RAB38: variants seen among roughly 807,000 people sequenced by gnomAD.
RAB38 encodes the protein ras-related protein Rab-38.
Under a neutral mutation model 18.4 loss-of-function variants are expected in RAB38, and 15 were observed. The observed-to-expected ratio is 0.82, with a 90% confidence interval of 0.55 to 1.26. The LOEUF is 1.26. Among genes scored for constraint, RAB38 ranks in the 50% most tolerant of loss-of-function variants. The pLI, the probability that RAB38 is intolerant of heterozygous loss-of-function variation, is 0.00. For synonymous variants in RAB38, 101 were observed against 104.4 expected, an observed-to-expected ratio of 0.97 and a Z score of 0.20; for missense variants, 294 against 267.4, an observed-to-expected ratio of 1.10 and a Z score of -0.69.
At chr11:87,886,036 T>C in the RAB38 span, among the ~76,000 whole-genome samples, 2 of 151,936 alleles carry the variant, frequency 1.3e-5, no homozygotes, top group Non-Finnish European at 2.9e-5. Context: ...GCACTCCCAT[T>C]ATCTCAAGTA....
At chr11:87,807,315 C>T in the RAB38 span, among the ~76,000 whole-genome samples, 1 of 152,194 alleles carries the variant, frequency 6.6e-6, no homozygotes, top group African/African-American at 2.4e-5. Flanking sequence ...AAGTTTTCCA[C>T]ATGACACAGA....
At chr11:87,864,360 T>C in the RAB38 span, among the ~76,000 whole-genome samples, 12 of 150,660 alleles carry the variant, frequency 8.0e-5, no homozygotes, top group African/African-American at 2.9e-4. Context: ...ATAATGTTGA[T>C]ACAATTCTCC....
chr11:87,878,813 G>A, the RAB38 span, among the ~76,000 whole-genome samples: 2 of 151,552 alleles, frequency 1.3e-5, no homozygotes, highest in Non-Finnish European at 3.0e-5. Flanking sequence ...TTCATCCTGT[G>A]GAGAGAAAAA....
chr11:88,123,528 T>C (rs1383203367), intron 2 of RAB38, among the ~76,000 whole-genome samples: 1 of 152,234 alleles, frequency 6.6e-6, no homozygotes, highest in Non-Finnish European at 1.5e-5. Flanking sequence ...GATACCATTC[T>C]TTTAGGTGAA....
At chr11:87,910,633 C>CTTTTTTTTTT in the RAB38 span, among the ~76,000 whole-genome samples, 34 of 131,094 alleles carry the variant, frequency 2.6e-4, 2 homozygotes, top group Non-Finnish European at 3.8e-4. Flanking sequence ...AGTTCATTTT[C>CTTTTTTTTTT]TTTTTTTTTT....
At chr11:88,021,563 AATTTATTTATTTATTTATTTATTT>A in the RAB38 span, among the ~76,000 whole-genome samples, 71 of 141,954 alleles carry the variant, frequency 5.0e-4, no homozygotes, top group Admixed American at 2.8e-3. Flanking sequence ...AGAGAAAGAT[AATTTATTTATTTATTTATTTATTT>A]ATTTATTTAT....
chr11:88,039,919 T>C, the RAB38 span, among the ~76,000 whole-genome samples: 2 of 152,300 alleles, frequency 1.3e-5, no homozygotes, highest in African/African-American at 4.8e-5. Flanking sequence ...TGTTCACTAG[T>C]GCAGCACTAG....
intron 1 of RAB38, among the ~76,000 whole-genome samples, chr11:88,170,807 C>T (rs1322253406): frequency 1.3e-5 from 2 of 152,174 alleles, no homozygotes; most frequent in African/African-American, 4.8e-5. Flanking sequence ...AAGAAACACT[C>T]GAAACACTCT....
the RAB38 span, among the ~76,000 whole-genome samples, chr11:87,813,337 G>A: frequency 1.3e-5 from 2 of 152,260 alleles, no homozygotes; most frequent in Middle Eastern, 3.4e-3. Flanking sequence ...CTGTTCCAGG[G>A]CGAAATCAAT....
chr11:88,156,342 C>G (rs866595236), intron 1 of RAB38, among the ~76,000 whole-genome samples: 6 of 152,184 alleles, frequency 3.9e-5, no homozygotes, highest in Non-Finnish European at 8.8e-5. Flanking sequence ...TCAGCAGAAA[C>G]TTTACAAGCC....
chr11:88,142,325 T>A (rs751832976), intron 2 of RAB38, among the ~76,000 whole-genome samples: 1 of 152,228 alleles, frequency 6.6e-6, no homozygotes, highest in African/African-American at 2.4e-5. Flanking sequence ...TTCATTATTG[T>A]AGGAATTAGT....
chr11:87,973,668 A>G, the RAB38 span, among the ~76,000 whole-genome samples: 1 of 151,950 alleles, frequency 6.6e-6, no homozygotes, highest in Non-Finnish European at 1.5e-5. Flanking sequence ...TCTTTACCCA[A>G]CGAGACCTCA....
At chr11:88,156,245 A>T (rs548457877) in intron 1 of RAB38, among the ~76,000 whole-genome samples, 1 of 152,340 alleles carries the variant, frequency 6.6e-6, no homozygotes, top group South Asian at 2.1e-4. Flanking sequence ...TCCAAGATCA[A>T]TGCTAAAGAA....
the RAB38 span, among the ~76,000 whole-genome samples, chr11:88,008,832 C>G: frequency 6.6e-6 from 1 of 152,166 alleles, no homozygotes; most frequent in Non-Finnish European, 1.5e-5. Flanking sequence ...TGCCACCACG[C>G]CCGGCTAATT....
chr11:88,148,813 T>TACCA (rs1943024340), intron 2 of RAB38, among the ~76,000 whole-genome samples: 1 of 152,222 alleles, frequency 6.6e-6, no homozygotes. Context: ...AATGCAATCC[T>TACCA]AACAGTGTAA....
At chr11:88,058,369 C>G in the RAB38 span, among the ~76,000 whole-genome samples, 5 of 152,086 alleles carry the variant, frequency 3.3e-5, no homozygotes, top group African/African-American at 7.2e-5. Flanking sequence ...TTTCTCAGAG[C>G]CAGTTCAACA....
the RAB38 span, among the ~76,000 whole-genome samples, chr11:88,017,301 T>C: frequency 1.2e-4 from 18 of 152,108 alleles, no homozygotes; most frequent in African/African-American, 4.1e-4. Context: ...AGAAAATCCA[T>C]TTAGTGATCT....
chr11:87,917,930 AG>A, the RAB38 span: 6 of 152,000 alleles, frequency 3.9e-5, no homozygotes, highest in Non-Finnish European at 7.4e-5. Context: ...GAGATTGGTA[AG>A]GGGCAAAAAC....
chr11:87,860,565 T>C, the RAB38 span, among the ~76,000 whole-genome samples: 1 of 151,930 alleles, frequency 6.6e-6, no homozygotes, highest in African/African-American at 2.4e-5. Flanking sequence ...TAAGGAAGTA[T>C]ATAAATAAAA....
Sources: allele counts gnomAD v4.1 joint callset (sites outside exome capture counted in the v4.1 genomes callset), GRCh38; gene constraint gnomAD v4.1.1; transcripts MANE v1.5; gene names NCBI Gene and HGNC (gene_info 2026-07-23, HGNC 2026-07-21).